The following AGBL4 variants were observed in gnomAD, a reference collection of about 807,000 sequenced individuals.
The protein encoded by AGBL4 is cytosolic carboxypeptidase 6.
Under a neutral mutation model 66.4 loss-of-function variants are expected in AGBL4, and 58 were observed. That is an observed-to-expected ratio of 0.87 (90% CI 0.71 to 1.09). The LOEUF (loss-of-function observed/expected upper bound fraction) is 1.09, where lower values mean the gene tolerates loss of function less well. AGBL4 is among the 50% of genes least tolerant of loss of function. AGBL4 has a pLI of 0.00. For missense variants in AGBL4, 579 were observed against 631.0 expected, an observed-to-expected ratio of 0.92 and a Z score of 0.88; for synonymous variants, 234 against 222.9, an observed-to-expected ratio of 1.05 and a Z score of -0.44.
intron 6 of AGBL4, among the ~76,000 whole-genome samples, chr1:48,702,287 T>TG (rs150088934): frequency 1.3e-5 from 2 of 151,896 alleles, no homozygotes; most frequent in Non-Finnish European, 2.9e-5. Context: ...TGTTTTTTTT[T>TG]GTTTTGTTTT....
chr1:49,604,045 T>C, intron 3 of AGBL4, among the ~76,000 whole-genome samples: 1 of 151,996 alleles, frequency 6.6e-6, no homozygotes, highest in East Asian at 1.9e-4. Context: ...CATACACATG[T>C]AGTTATGTTT....
intron 5 of AGBL4, among the ~76,000 whole-genome samples, chr1:48,908,634 C>T (rs1652827761): frequency 6.6e-6 from 1 of 152,142 alleles, no homozygotes; most frequent in Admixed American, 6.5e-5. Context: ...CACATCACCC[C>T]ATGAATTAGA....
intron 5 of AGBL4, among the ~76,000 whole-genome samples, chr1:48,901,501 T>C (rs962208556): frequency 3.9e-5 from 6 of 152,068 alleles, no homozygotes; most frequent in Non-Finnish European, 8.8e-5. Flanking sequence ...AATAAGCAAA[T>C]TGTGGTATAT....
chr1:49,385,431 A>G (rs930453590), intron 3 of AGBL4, among the ~76,000 whole-genome samples: 1 of 151,922 alleles, frequency 6.6e-6, no homozygotes, highest in Non-Finnish European at 1.5e-5. Context: ...GAGATCTTGG[A>G]CCTATTATTT....
At chr1:49,517,277 G>A (rs937006392) in intron 3 of AGBL4, among the ~76,000 whole-genome samples, 4 of 151,190 alleles carry the variant, frequency 2.6e-5, no homozygotes, top group Admixed American at 2.0e-4. Context: ...CTCCAAGAGG[G>A]GAAATTTATA....
At chr1:49,593,417 A>AAAAT (rs952750407) in intron 3 of AGBL4, among the ~76,000 whole-genome samples, 3 of 152,156 alleles carry the variant, frequency 2.0e-5, no homozygotes, top group African/African-American at 7.2e-5. Flanking sequence ...AAAAAAATTC[A>AAAAT]AAATAAATAA....
intron 5 of AGBL4, among the ~76,000 whole-genome samples, chr1:49,037,965 C>A (rs187307987): frequency 1.4e-4 from 22 of 152,148 alleles, no homozygotes; most frequent in Non-Finnish European, 1.2e-4. Context: ...TACTTAATCT[C>A]ATTAAATCTC....
intron 6 of AGBL4, among the ~76,000 whole-genome samples, chr1:48,855,209 G>A (rs1022599150): frequency 6.6e-5 from 10 of 152,098 alleles, no homozygotes; most frequent in Non-Finnish European, 1.3e-4. Flanking sequence ...GGTGCCTTGC[G>A]ATGCCCTACC....
At chr1:49,379,050 C>T (rs1332804450) in intron 3 of AGBL4, among the ~76,000 whole-genome samples, 1 of 151,962 alleles carries the variant, frequency 6.6e-6, no homozygotes, top group Non-Finnish European at 1.5e-5. Context: ...ATGTGGTAGG[C>T]CTATGAAGAC....
intron 4 of AGBL4, among the ~76,000 whole-genome samples, chr1:49,153,631 C>G (rs1406473509): frequency 1.3e-5 from 2 of 151,370 alleles, no homozygotes; most frequent in African/African-American, 4.9e-5. Context: ...CTAGGCAGTT[C>G]TAGAAAAGTA....
chr1:49,396,456 G>A (rs1032771631), intron 3 of AGBL4, among the ~76,000 whole-genome samples: 3 of 152,128 alleles, frequency 2.0e-5, no homozygotes, highest in Non-Finnish European at 4.4e-5. Flanking sequence ...ATAATCTGAT[G>A]TCACCATATA....
At chr1:49,431,644 AT>A (rs1174594984) in intron 3 of AGBL4, among the ~76,000 whole-genome samples, 1 of 152,158 alleles carries the variant, frequency 6.6e-6, no homozygotes, top group Non-Finnish European at 1.5e-5. Flanking sequence ...TGCTGTAATC[AT>A]GTATTTTTTT....
intron 5 of AGBL4, among the ~76,000 whole-genome samples, chr1:48,907,005 C>G (rs1457501695): frequency 6.6e-6 from 1 of 152,158 alleles, no homozygotes. Context: ...GGTAAGATGA[C>G]AAGAACTGGT....
intron 5 of AGBL4, among the ~76,000 whole-genome samples, chr1:48,966,311 T>C (rs1658413228): frequency 6.6e-6 from 1 of 152,138 alleles, no homozygotes; most frequent in African/African-American, 2.4e-5. Flanking sequence ...TAAATAAAAG[T>C]CTTAAATTCC....
Position 50,023,834 on chromosome 1 carries a change from C to A in AGBL4, c.-38G>T. The A allele has an allele frequency of 6.5e-7, 1 of 1,545,246 alleles. No homozygotes were observed. The highest frequency in any genetic ancestry group is 8.7e-7 in the Non-Finnish European group (1 of 1,144,240). ...TCAGTCTCCGAGCTCACGCGAAGAC[C>A]GCGGGGCAGTAGGGAGCGGGTGGTG... is the stretch of plus-strand genomic sequence containing the variant. On this transcript the variant is annotated 5_prime_UTR_variant, in exon 1 of 14. Transcript: ENST00000371839.
At chr1:49,497,164 TA>T (rs1391425259) in intron 3 of AGBL4, among the ~76,000 whole-genome samples, 2 of 152,058 alleles carry the variant, frequency 1.3e-5, no homozygotes, top group African/African-American at 4.8e-5. Context: ...TGGCCATTTG[TA>T]TGTCTTCTTT....
rs74755498 is a variant in AGBL4 at position 49,231,175 on chromosome 1, C to T, written c.377+14595G>A. ...TTTGGAAGAAGGATATTATTGGTTCCATTTTATATCTAAGGAAACAAAGCC... is the reference window on the plus strand; with the variant it reads ...TTTGGAAGAAGGATATTATTGGTTCTATTTTATATCTAAGGAAACAAAGCC... On this transcript the variant is annotated intron_variant, in intron 4 of 13. Transcript: ENST00000371839. Among the ~76,000 whole-genome samples the T allele has an allele frequency of 5.0e-4, 76 of 152,206 alleles. No homozygotes were observed. In the East Asian group the frequency reaches 0.014, roughly 27 times the overall value.
chr1:49,388,157 A>G (rs777831063), intron 3 of AGBL4, among the ~76,000 whole-genome samples: 1 of 152,064 alleles, frequency 6.6e-6, no homozygotes, highest in African/African-American at 2.4e-5. Context: ...CCTCTTCCTA[A>G]AATAATCATT....
At chr1:48,658,143 G>A (rs759844785) in intron 7 of AGBL4, among the ~76,000 whole-genome samples, 9 of 152,176 alleles carry the variant, frequency 5.9e-5, no homozygotes, top group Non-Finnish European at 1.3e-4. Context: ...GTGTGGCATC[G>A]CTTGCTGAGT....
Sources: gnomAD v4.1 joint callset for allele counts (sites outside exome capture counted in the v4.1 genomes callset) on GRCh38, gnomAD v4.1.1 for gene constraint, MANE v1.5 for transcripts, NCBI Gene and HGNC (gene_info 2026-07-23, HGNC 2026-07-21) for gene names.